PIGL: variants seen among roughly 807,000 people sequenced by gnomAD.
PIGL encodes phosphatidylinositol glycan anchor biosynthesis class L.
Under a neutral mutation model 31.1 loss-of-function variants are expected in PIGL, and 22 were observed. The observed-to-expected ratio is 0.71, with a 90% CI of 0.51 to 1.01. PIGL has a LOEUF of 1.01. Among genes scored for constraint, PIGL ranks in the 50% least tolerant of loss-of-function variants. PIGL has a pLI of 0.00. For missense variants in PIGL, 302 were observed against 315.9 expected (o/e 0.96, Z 0.33); for synonymous variants, 131 against 117.4 (o/e 1.12, Z -0.75).
intron 2 of PIGL, among the ~76,000 whole-genome samples, chr17:16,270,053 G>A (rs983627914): frequency 3.3e-5 from 5 of 151,994 alleles, no homozygotes; most frequent in South Asian, 2.1e-4. Flanking sequence ...TTGGGAGGCC[G>A]AGGCGGGCAG....
chr17:16,310,077 CAAA>C (rs58352380), intron 3 of PIGL, among the ~76,000 whole-genome samples: 1 of 88,778 alleles, frequency 1.1e-5, no homozygotes, highest in Non-Finnish European at 2.2e-5. Flanking sequence ...GACTCCATCT[CAAA>C]AAAAAAAAAA....
At chr17:16,225,383 CTTTTTTTTTT>C (rs948575134) in intron 1 of PIGL, among the ~76,000 whole-genome samples, 1 of 97,566 alleles carries the variant, frequency 1.0e-5, no homozygotes, top group Non-Finnish European at 2.1e-5. Context: ...AAGCACGTTT[CTTTTTTTTTT>C]TTTTTTTTTT....
chr17:16,230,049 G>A (rs919417806), intron 1 of PIGL, among the ~76,000 whole-genome samples: 7 of 151,882 alleles, frequency 4.6e-5, no homozygotes, highest in Admixed American at 1.3e-4. Flanking sequence ...TTTTAGTAGA[G>A]ATGGGGTTTC....
chr17:16,256,085 C>T (rs748928544), intron 2 of PIGL, among the ~76,000 whole-genome samples: 3 of 151,936 alleles, frequency 2.0e-5, no homozygotes, highest in Non-Finnish European at 4.4e-5. Flanking sequence ...TAATACCACT[C>T]ATTGGAAGAG....
chr17:16,230,728 C>T (rs1285200884), intron 1 of PIGL, among the ~76,000 whole-genome samples: 1 of 151,974 alleles, frequency 6.6e-6, no homozygotes, highest in Non-Finnish European at 1.5e-5. Flanking sequence ...AGCTTTTCTC[C>T]TGCCTCAGCC....
Position 16,217,440 on chromosome 17 carries a change from T to G in PIGL, c.214T>G (p.Tyr72Asp), listed in dbSNP as rs1310583936. The G allele has an allele frequency of 6.2e-7, 1 of 1,613,998 alleles. No individual in the cohort carries two copies. The highest frequency in any genetic ancestry group is 8.5e-7 in the Non-Finnish European group (1 of 1,179,956). The change falls in exon 1 of 7, where the codon TAC becomes GAC. Residue 72 changes from tyrosine to aspartate, a missense_variant. By Grantham distance (160) the Tyr-to-Asp change is radical. Transcript: ENST00000225609. ...CTTGGCCCGCCTAAGGCACTGGGTGTACCTGCTTTGCTTCTCTGCAGGTAG... is the reference window on the plus strand; with the variant it reads ...CTTGGCCCGCCTAAGGCACTGGGTGGACCTGCTTTGCTTCTCTGCAGGTAG... Reference protein sequence around the residue: ...LGLARLRHWVYLLCFSAGNYY... With the variant: ...LGLARLRHWVDLLCFSAGNYY...
intron 2 of PIGL, among the ~76,000 whole-genome samples, chr17:16,267,438 T>G (rs1292945198): frequency 6.6e-6 from 1 of 152,020 alleles, no homozygotes; most frequent in African/African-American, 2.4e-5. Context: ...GTAACTTTTG[T>G]TGAAAAAATA....
At chr17:16,300,201 T>A (rs2092998675) in intron 3 of PIGL, 1 of 518,222 alleles carries the variant, frequency 1.9e-6, no homozygotes, top group Admixed American at 3.3e-5. Flanking sequence ...AACTAAATTA[T>A]CAGTGCTCAG....
intron 1 of PIGL, among the ~76,000 whole-genome samples, chr17:16,228,482 TTA>T (rs1568779267): frequency 1.3e-4 from 20 of 151,190 alleles, no homozygotes; most frequent in Admixed American, 1.1e-3. Flanking sequence ...CCTCCCGGGT[TTA>T]CTTACACCAT....
chr17:16,259,281 GAAAA>G (rs200555325), intron 2 of PIGL, among the ~76,000 whole-genome samples: 1 of 137,336 alleles, frequency 7.3e-6, no homozygotes. Context: ...GACTTTGCAG[GAAAA>G]AAAAAAAAAA....
chr17:16,228,682 C>T (rs2092664931), intron 1 of PIGL, among the ~76,000 whole-genome samples: 1 of 152,252 alleles, frequency 6.6e-6, no homozygotes, highest in African/African-American at 2.4e-5. Context: ...GCCACCACGC[C>T]CGGCGATTTT....
At chr17:16,284,710 C>T (rs998673804) in intron 2 of PIGL, among the ~76,000 whole-genome samples, 7 of 152,180 alleles carry the variant, frequency 4.6e-5, no homozygotes, top group African/African-American at 1.7e-4. Flanking sequence ...TCCTACTTAA[C>T]CAATCAGCAC....
chr17:16,236,146 G>A (rs1471207377), intron 2 of PIGL, among the ~76,000 whole-genome samples: 1 of 152,088 alleles, frequency 6.6e-6, no homozygotes, highest in Admixed American at 6.6e-5. Context: ...AACAGGATAG[G>A]TGCTTAATTT....
chr17:16,304,667 G>C (rs187373067), intron 3 of PIGL, among the ~76,000 whole-genome samples: 50 of 152,116 alleles, frequency 3.3e-4, no homozygotes, highest in Non-Finnish European at 6.8e-4. Context: ...AGCAGCCTAG[G>C]GGGGTAGTAG....
chr17:16,227,006 A>G (rs1346198685), intron 1 of PIGL, among the ~76,000 whole-genome samples: 2 of 152,124 alleles, frequency 1.3e-5, no homozygotes, highest in Non-Finnish European at 2.9e-5. Flanking sequence ...CTTTTATCTC[A>G]CATGTTCAGG....
chr17:16,301,798 T>C (rs2093005978), intron 3 of PIGL, among the ~76,000 whole-genome samples: 1 of 151,888 alleles, frequency 6.6e-6, no homozygotes, highest in East Asian at 1.9e-4. Flanking sequence ...CTCCATCTCC[T>C]GACCTCATGA....
intron 2 of PIGL, among the ~76,000 whole-genome samples, chr17:16,246,795 C>T (rs969970531): frequency 6.7e-6 from 1 of 148,374 alleles, no homozygotes; most frequent in Non-Finnish European, 1.5e-5. Context: ...ACGCCATTCT[C>T]CTGCCTCAGC....
At chr17:16,302,861 T>C (rs1030838402) in intron 3 of PIGL, among the ~76,000 whole-genome samples, 11 of 152,162 alleles carry the variant, frequency 7.2e-5, no homozygotes, top group Non-Finnish European at 1.3e-4. Context: ...ACTTCCAAAA[T>C]GCTGGGATTA....
At chr17:16,294,715 G>A (rs766622538) in intron 2 of PIGL, among the ~76,000 whole-genome samples, 11 of 152,210 alleles carry the variant, frequency 7.2e-5, no homozygotes, top group Non-Finnish European at 1.6e-4. Flanking sequence ...GGCTTCTGGA[G>A]GGGTTTGACC....
Sources: gnomAD v4.1 joint callset for allele counts (sites outside exome capture counted in the v4.1 genomes callset) on GRCh38, gnomAD v4.1.1 for gene constraint, MANE v1.5 for transcripts, NCBI Gene and HGNC (gene_info 2026-07-23, HGNC 2026-07-21) for gene names.